The following CLASP1 variants were observed in gnomAD, a reference collection of about 807,000 sequenced individuals.
The protein encoded by CLASP1 is cytoplasmic linker associated protein 1, also known as CLIP-associating protein 1.
In CLASP1, 38 loss-of-function variants were observed where a neutral mutation model predicts 192.3. The observed-to-expected ratio is 0.20, with a 90% CI of 0.15 to 0.26. The LOEUF (loss-of-function observed/expected upper bound fraction) is 0.26, where lower values mean the gene tolerates loss of function less well. Among genes scored for constraint, CLASP1 ranks in the 10% least tolerant of loss-of-function variants. CLASP1 has a pLI of 1.00. For synonymous variants in CLASP1, 691 were observed against 712.8 expected, an observed-to-expected ratio of 0.97 and a Z score of 0.49; for missense variants, 1,433 against 1,932.5, an observed-to-expected ratio of 0.74 and a Z score of 4.85.
At chr2:121,527,253 G>A (rs911080085) in intron 5 of CLASP1, among the ~76,000 whole-genome samples, 1 of 152,136 alleles carries the variant, frequency 6.6e-6, no homozygotes, top group Non-Finnish European at 1.5e-5. Context: ...TCTTCAACAG[G>A]TGACTAGTTT....
chr2:121,399,967 G>A (rs2075901210), intron 28 of CLASP1, among the ~76,000 whole-genome samples: 1 of 152,024 alleles, frequency 6.6e-6, no homozygotes, highest in Non-Finnish European at 1.5e-5. Context: ...TGGTACTACT[G>A]AGCCCATGTC....
intron 22 of CLASP1, among the ~76,000 whole-genome samples, chr2:121,422,694 A>G (rs1431984634): frequency 6.6e-6 from 1 of 152,198 alleles, no homozygotes; most frequent in Admixed American, 6.5e-5. Context: ...TCTGCTTAAG[A>G]AAATCTAAAT....
intron 19 of CLASP1, among the ~76,000 whole-genome samples, chr2:121,433,252 G>A (rs1049002199): frequency 1.3e-5 from 2 of 151,568 alleles, no homozygotes; most frequent in Admixed American, 6.6e-5. Context: ...AAACCGGGGC[G>A]GAGGTTGCAG....
chr2:121,354,874 C>T (rs1329975031), intron 37 of CLASP1, among the ~76,000 whole-genome samples: 1 of 152,122 alleles, frequency 6.6e-6, no homozygotes, highest in Non-Finnish European at 1.5e-5. Flanking sequence ...AAGCTAAGGC[C>T]TCCTGGTGCT....
chr2:121,378,269 A>T lies in CLASP1; in HGVS notation c.3492-620T>A, dbSNP rs2070748432. ...CCCATGAGCTTGCTATTAATATCAG[A>T]CTCTTCTACATGCTTCTGTTTGGAG... On this transcript the variant is annotated intron_variant, in intron 33 of 39. Coordinates refer to ENST00000263710, the Ensembl canonical transcript of CLASP1. 4.6e-5 allele frequency among the ~76,000 whole-genome samples: 7 copies of T among 152,022 alleles called. No individual in the cohort carries two copies. In the South Asian group the frequency reaches 1.5e-3, roughly 32 times the overall value.
At chr2:121,357,461 T>C (rs1490879373) in intron 37 of CLASP1, among the ~76,000 whole-genome samples, 9 of 152,116 alleles carry the variant, frequency 5.9e-5, no homozygotes, top group Non-Finnish European at 1.5e-5. Context: ...ATCCAGAGTG[T>C]CTATGACTTG....
At chr2:121,630,133 T>C (rs2069212397) in intron 1 of CLASP1, among the ~76,000 whole-genome samples, 1 of 152,028 alleles carries the variant, frequency 6.6e-6, no homozygotes, top group Admixed American at 6.5e-5. Context: ...TTGGCCAGGC[T>C]GGTCTCAAAC....
chr2:121,424,214 A>C (rs1405711416), intron 22 of CLASP1, among the ~76,000 whole-genome samples: 1 of 152,188 alleles, frequency 6.6e-6, no homozygotes, highest in East Asian at 1.9e-4. Flanking sequence ...TATTCGTCAT[A>C]CTGTGTTACA....
intron 24 of CLASP1, among the ~76,000 whole-genome samples, chr2:121,409,740 G>C (rs2077425151): frequency 6.6e-6 from 1 of 152,160 alleles, no homozygotes; most frequent in Admixed American, 6.5e-5. Flanking sequence ...GCTGCAACTT[G>C]GAAGGACAAA....
intron 2 of CLASP1, chr2:121,530,899 T>C (rs1387127438): frequency 1.7e-5 from 12 of 695,334 alleles, no homozygotes; most frequent in South Asian, 1.5e-4. Context: ...TTTCTTGGGG[T>C]TGCGCTACTG....
At chr2:121,463,216 T>C (rs978072119) in intron 9 of CLASP1, among the ~76,000 whole-genome samples, 1 of 152,210 alleles carries the variant, frequency 6.6e-6, no homozygotes, top group Non-Finnish European at 1.5e-5. Flanking sequence ...CTCCCCTTTA[T>C]GTATGAAAAT....
In CLASP1 at chr2:121,585,168, C is replaced by T. The variant is rs2061580816; in HGVS notation, c.195+20533G>A. Among the ~76,000 whole-genome samples the T allele has an allele frequency of 1.3e-5, 2 of 152,150 alleles. 1 individual carries two copies. Among genetic ancestry groups the T allele is most frequent in the South Asian group, 4.1e-4 (2 of 4,828 alleles). On this transcript the variant is annotated intron_variant, in intron 2 of 39. Transcript: ENST00000263710. ...CTAAAGGGAGGAGTGTGAATTCTAA[C>T]CCAAACAGTCTGGTCCCAGGTTAAC... is the stretch of plus-strand genomic sequence containing the variant.
At chr2:121,480,766 A>G (rs987289194) in intron 8 of CLASP1, among the ~76,000 whole-genome samples, 2 of 152,170 alleles carry the variant, frequency 1.3e-5, no homozygotes, top group Non-Finnish European at 1.5e-5. Context: ...TGTTTGCCTC[A>G]GTGGAACCTG....
chr2:121,632,351 C>T (rs1192145819), intron 1 of CLASP1, among the ~76,000 whole-genome samples: 1 of 152,048 alleles, frequency 6.6e-6, no homozygotes. Context: ...TAACTTTTAA[C>T]CCAAAATGTC....
chr2:121,511,827 C>A lies in CLASP1; in HGVS notation c.644+3838G>T, dbSNP rs932569733. Among the ~76,000 whole-genome samples the A allele has an allele frequency of 1.8e-4, 27 of 152,118 alleles. 1 individual carries two copies. Among genetic ancestry groups the A allele is most frequent in the Admixed American group, 7.2e-4 (11 of 15,266 alleles). On this transcript the variant is annotated intron_variant, in intron 7 of 39. Coordinates refer to ENST00000263710, the Ensembl canonical transcript of CLASP1. ...ATGTATCTTATAAATCTAGTTGAAT[C>A]TCTGTGTGTACAAATAACTATGACA...
chr2:121,492,653 G>T (rs2093367490), intron 8 of CLASP1, among the ~76,000 whole-genome samples: 1 of 147,468 alleles, frequency 6.8e-6, no homozygotes, highest in African/African-American at 2.6e-5. Flanking sequence ...TAATTACTAG[G>T]GTGACTACAA....
chr2:121,511,841 A>G (rs2094145906), intron 7 of CLASP1, among the ~76,000 whole-genome samples: 1 of 152,224 alleles, frequency 6.6e-6, no homozygotes, highest in African/African-American at 2.4e-5. Flanking sequence ...GTGTGTACAA[A>G]TAACTATGAC....
intron 23 of CLASP1, among the ~76,000 whole-genome samples, chr2:121,411,874 T>G (rs889127137): frequency 6.6e-6 from 1 of 152,148 alleles, no homozygotes; most frequent in Non-Finnish European, 1.5e-5. Context: ...TATCTACCAG[T>G]AAAAAATTTC....
intron 24 of CLASP1, among the ~76,000 whole-genome samples, chr2:121,408,866 A>C (rs181441493): frequency 6.6e-6 from 1 of 152,368 alleles, no homozygotes; most frequent in Non-Finnish European, 1.5e-5. Context: ...ACCATGAATA[A>C]AGACAACAAT....
Sources: gnomAD v4.1 joint callset for allele counts (sites outside exome capture counted in the v4.1 genomes callset) on GRCh38, gnomAD v4.1.1 for gene constraint, MANE v1.5 for transcripts, NCBI Gene and HGNC (gene_info 2026-07-23, HGNC 2026-07-21) for gene names.